The following SCAPER variants were observed in gnomAD, a reference collection of about 807,000 sequenced individuals.
SCAPER encodes S phase cyclin A-associated protein in the endoplasmic reticulum.
In SCAPER, 98 loss-of-function variants were observed where a neutral mutation model predicts 182.2. The ratio of observed to expected loss-of-function variants is 0.54; its 90% CI spans 0.46 to 0.64. The LOEUF (loss-of-function observed/expected upper bound fraction) is 0.64, where lower values mean the gene tolerates loss of function less well. Among genes scored for constraint, SCAPER ranks in the 30% least tolerant of loss-of-function variants. The pLI is 0.00. For synonymous variants in SCAPER, 605 were observed against 564.6 expected (o/e 1.07, Z -1.01); for missense variants, 1,432 against 1,690.0 (o/e 0.85, Z 2.68).
At chr15:76,855,376 TGACAAA>T (rs2071231975) in intron 4 of SCAPER, among the ~76,000 whole-genome samples, 2 of 148,244 alleles carry the variant, frequency 1.3e-5, no homozygotes, top group Admixed American at 6.8e-5. Context: ...AAAGATTTCT[TGACAAA>T]GACACCAAAA....
intron 21 of SCAPER, among the ~76,000 whole-genome samples, chr15:76,644,788 C>G (rs1468428704): frequency 6.6e-6 from 1 of 152,096 alleles, no homozygotes; most frequent in African/African-American, 2.4e-5. Context: ...TCCATTAAAG[C>G]AAAATATGCA....
intron 14 of SCAPER, among the ~76,000 whole-genome samples, chr15:76,757,690 T>C (rs536228300): frequency 6.6e-6 from 1 of 152,320 alleles, no homozygotes; most frequent in African/African-American, 2.4e-5. Context: ...CCATATTGCT[T>C]ACTATAATGG....
Position 76,410,316 on chromosome 15 carries a change from A to G in SCAPER, c.3312-5637T>C, listed in dbSNP as rs1031290189. The stretch of plus-strand genomic sequence containing the variant: ...TAATCATGCATTCATCCACTCAATT[A>G]TTTCTAAGTATGATGCTGATGCTAA... On this transcript the variant is annotated intron_variant, in intron 26 of 31. Coordinates refer to ENST00000563290, the MANE Select transcript of SCAPER (RefSeq NM_020843.4). Among the ~76,000 whole-genome samples, 4 of 152,164 alleles carry G rather than the reference A, an allele frequency of 2.6e-5. No homozygotes were observed. In the South Asian group the frequency reaches 8.3e-4, roughly 31 times the overall value.
chr15:76,419,116 C>T (rs2045847400), intron 26 of SCAPER, among the ~76,000 whole-genome samples: 1 of 152,162 alleles, frequency 6.6e-6, no homozygotes, highest in African/African-American at 2.4e-5. Context: ...CAATCACAGA[C>T]ATTGCTGATG....
chr15:76,465,542 T>C (rs1394931095), intron 25 of SCAPER, among the ~76,000 whole-genome samples: 4 of 152,198 alleles, frequency 2.6e-5, no homozygotes, highest in African/African-American at 4.8e-5. Context: ...GCACTGTTGA[T>C]TGTGACTCTG....
intron 21 of SCAPER, among the ~76,000 whole-genome samples, chr15:76,657,715 C>T (rs2055783976): frequency 1.3e-5 from 2 of 151,902 alleles, no homozygotes; most frequent in South Asian, 2.1e-4. Context: ...AAAACTAACC[C>T]ACTATGATCA....
At chr15:76,672,809 G>A (rs189100039) in intron 20 of SCAPER, among the ~76,000 whole-genome samples, 118 of 152,072 alleles carry the variant, frequency 7.8e-4, no homozygotes, top group South Asian at 1.9e-3. Flanking sequence ...AATATAAAAA[G>A]AATCGCTTCT....
chr15:76,765,777 C>A, intron 11 of SCAPER, 139 bp from the exon 12 acceptor site: 1 of 686,150 alleles, frequency 1.5e-6, no homozygotes. Context: ...GAAAAAGGTA[C>A]CTACCAGTAC....
chr15:76,779,567 T>C (rs561393444), intron 8 of SCAPER, among the ~76,000 whole-genome samples: 2 of 152,086 alleles, frequency 1.3e-5, no homozygotes, highest in African/African-American at 2.4e-5. Flanking sequence ...AAGAAAGAAG[T>C]TTCTCTCAAC....
chr15:76,679,080 T>G (rs563406435), intron 20 of SCAPER, among the ~76,000 whole-genome samples: 10 of 152,312 alleles, frequency 6.6e-5, no homozygotes, highest in African/African-American at 1.4e-4. Context: ...ACGAATGTCT[T>G]GGATGGCATT....
intron 22 of SCAPER, among the ~76,000 whole-genome samples, chr15:76,578,642 T>C (rs1282976212): frequency 6.6e-6 from 1 of 152,242 alleles, no homozygotes; most frequent in Non-Finnish European, 1.5e-5. Flanking sequence ...AGAGCCATAG[T>C]GTTACTGGGC....
chr15:76,607,703 G>T (rs2050568695), intron 22 of SCAPER, among the ~76,000 whole-genome samples: 1 of 152,152 alleles, frequency 6.6e-6, no homozygotes, highest in Non-Finnish European at 1.5e-5. Flanking sequence ...TTTCTTGGAA[G>T]CTTTGTTCAT....
intron 16 of SCAPER, among the ~76,000 whole-genome samples, chr15:76,731,058 A>G (rs948534309): frequency 6.6e-6 from 1 of 152,210 alleles, no homozygotes; most frequent in Admixed American, 6.5e-5. Flanking sequence ...GAAAGACAGG[A>G]AACTTTGTAC....
chr15:76,379,140 C>T (rs1362180502), intron 28 of SCAPER, among the ~76,000 whole-genome samples: 2 of 152,156 alleles, frequency 1.3e-5, no homozygotes, highest in Non-Finnish European at 2.9e-5. Context: ...GGCCCCGATG[C>T]TAGAAATTCT....
intron 25 of SCAPER, among the ~76,000 whole-genome samples, chr15:76,436,216 C>T (rs1017379503): frequency 1.3e-5 from 2 of 151,940 alleles, no homozygotes; most frequent in African/African-American, 4.8e-5. Context: ...TACAGGTGTG[C>T]GTCATTACAC....
intron 2 of SCAPER, among the ~76,000 whole-genome samples, chr15:76,865,504 T>C (rs995714613): frequency 1.3e-5 from 2 of 152,154 alleles, no homozygotes; most frequent in Non-Finnish European, 2.9e-5. Flanking sequence ...TACTTTGAGT[T>C]TCGTCATAAA....
chr15:76,739,810 C>CTT, intron 15 of SCAPER, among the ~76,000 whole-genome samples: 1 of 152,266 alleles, frequency 6.6e-6, no homozygotes, highest in Middle Eastern at 3.4e-3. Context: ...ACAAAAGTAA[C>CTT]ACTATCACAG....
chr15:76,755,912 G>A (rs2062395547), intron 14 of SCAPER, among the ~76,000 whole-genome samples: 1 of 152,150 alleles, frequency 6.6e-6, no homozygotes, highest in African/African-American at 2.4e-5. Context: ...GAGTATGGAA[G>A]TGGATCCTCC....
chr15:76,496,410 G>C (rs944257907), intron 24 of SCAPER, among the ~76,000 whole-genome samples: 1 of 152,066 alleles, frequency 6.6e-6, no homozygotes, highest in Non-Finnish European at 1.5e-5. Context: ...AGTCCCCCTA[G>C]AAAGTAACAT....
Sources: allele counts gnomAD v4.1 joint callset (sites outside exome capture counted in the v4.1 genomes callset), GRCh38; gene constraint gnomAD v4.1.1; transcripts MANE v1.5; gene names NCBI Gene and HGNC (gene_info 2026-07-23, HGNC 2026-07-21).